Variants in MSH3 observed in about 807,000 individuals in gnomAD.
MSH3 encodes mutS homolog 3.
A neutral mutation model predicts 123.3 loss-of-function variants in MSH3; 106 were observed. The ratio of observed to expected loss-of-function variants is 0.86; its 90% CI spans 0.73 to 1.01. The LOEUF (loss-of-function observed/expected upper bound fraction) is 1.01, where lower values mean the gene tolerates loss of function less well. MSH3 is among the 50% of genes least tolerant of loss of function. The probability of loss-of-function intolerance (pLI) is 0.00; values close to 1 mark genes in which losing one functional copy is unlikely to be tolerated. For synonymous variants in MSH3, 515 were observed against 481.4 expected (o/e 1.07, Z -0.91); for missense variants, 1,459 against 1,347.6 (o/e 1.08, Z -1.29).
At chr5:80,680,135 C>G (rs1293232562) in intron 8 of MSH3, among the ~76,000 whole-genome samples, 1 of 151,756 alleles carries the variant, frequency 6.6e-6, no homozygotes, top group Admixed American at 6.6e-5. Flanking sequence ...TGGCAGACAC[C>G]TGTATTCCCA....
rs1580553624 is a variant in MSH3, at chr5:80,674,994, CT to C, written c.1040del (p.Leu347GlnfsTer8). 6.2e-7 allele frequency: 1 copy of C among 1,606,280 alleles called. No individual in the cohort carries two copies. Among genetic ancestry groups the C allele is most frequent in the Non-Finnish European group, 8.5e-7 (1 of 1,173,864 alleles). Reference protein sequence around the residue: ...STLIGEDVNPLIKLDDAVNVD... With the variant: ...STLIGEDVNPXIKLDDAVNVD... The stretch of plus-strand genomic sequence containing the variant: ...TTAATTATTATTAAATGTGAATCCC[CT>C]AATCAAGCTGGATGATGCTGTAAAT... On this transcript the variant is annotated frameshift_variant, in exon 7 of 24. Coordinates refer to ENST00000265081, the MANE Select transcript of MSH3 (RefSeq NM_002439.5). LOFTEE classifies it high-confidence loss of function.
At chr5:80,759,531 C>G (rs746664706) in intron 12 of MSH3, among the ~76,000 whole-genome samples, 7 of 152,170 alleles carry the variant, frequency 4.6e-5, no homozygotes, top group Non-Finnish European at 8.8e-5. Context: ...GAGAGTGACA[C>G]ATGATCTCAG....
chr5:80,815,153 C>A (rs1176588177), intron 20 of MSH3, among the ~76,000 whole-genome samples: 4 of 152,100 alleles, frequency 2.6e-5, no homozygotes, highest in Non-Finnish European at 5.9e-5. Flanking sequence ...CATTTTTCAT[C>A]TGAGAATGAA....
intron 20 of MSH3, among the ~76,000 whole-genome samples, chr5:80,821,118 TC>T (rs762768902): frequency 2.6e-5 from 4 of 152,198 alleles, no homozygotes; most frequent in Non-Finnish European, 4.4e-5. Context: ...ATATAGTAGT[TC>T]CTTGGTAATA....
At position 80,775,702 on chromosome 5, in the gene MSH3, A is replaced by G. The variant is rs200819607; in HGVS notation, c.2262A>G (p.Ile754Met). 2.5e-4 allele frequency: 386 copies of G among 1,541,862 alleles called. No homozygotes were observed. The highest frequency in any genetic ancestry group is 2.6e-4 in the Non-Finnish European group (291 of 1,114,976). The stretch of plus-strand genomic sequence containing the variant: ...ATTTGTATTTGTTTTAGTTTATGAT[A>G]GAAATAAAGAACTCTGCTGTATCTT... ...YVTVSGQEFM[I>M]EIKNSAVSCI... Residue 754 changes from isoleucine to methionine, a missense_variant, in exon 16 of 24, where the codon ATA (isoleucine) becomes ATG (methionine). Coordinates refer to ENST00000265081, the MANE Select transcript of MSH3 (RefSeq NM_002439.5).
intron 6 of MSH3, among the ~76,000 whole-genome samples, chr5:80,674,549 C>G (rs1749794244): frequency 1.3e-5 from 2 of 152,068 alleles, no homozygotes. Context: ...TCCATGGGGT[C>G]TGGTGTACTC....
chr5:80,801,161 G>A lies in MSH3; in HGVS notation c.2655+8317G>A, dbSNP rs76354010. Among the ~76,000 whole-genome samples the A allele has an allele frequency of 8.7e-3, 1,329 of 152,354 alleles. 7 individuals are homozygous for A. The highest frequency in any genetic ancestry group is 0.044 in the Middle Eastern group (13 of 294). On this transcript the variant is annotated intron_variant, in intron 19 of 23. Coordinates refer to ENST00000265081, the MANE Select transcript of MSH3 (RefSeq NM_002439.5). Reference sequence around the variant, plus strand: ...ACCTTTAGACACTTAGAAGTGCTCTGAGGATCTGGATGAGGGCTTTTAGCA... The same window carrying A: ...ACCTTTAGACACTTAGAAGTGCTCTAAGGATCTGGATGAGGGCTTTTAGCA...
chr5:80,698,653 A>G (rs983314885), intron 8 of MSH3, among the ~76,000 whole-genome samples: 3 of 152,086 alleles, frequency 2.0e-5, no homozygotes, highest in African/African-American at 7.2e-5. Context: ...TTTGGAGAGA[A>G]AGGGTGTATA....
chr5:80,709,327 T>C (rs890690905), intron 8 of MSH3, among the ~76,000 whole-genome samples: 1 of 151,936 alleles, frequency 6.6e-6, no homozygotes, highest in Non-Finnish European at 1.5e-5. Context: ...TAATCAATTC[T>C]AAGTTTTTAG....
intron 9 of MSH3, among the ~76,000 whole-genome samples, chr5:80,727,095 C>T (rs1031171569): frequency 4.6e-5 from 7 of 152,178 alleles, no homozygotes; most frequent in African/African-American, 1.7e-4. Flanking sequence ...ACAAAAGACA[C>T]GCCAGTTGAC....
chr5:80,822,301 T>G (rs1015290791), intron 20 of MSH3, among the ~76,000 whole-genome samples: 1 of 152,226 alleles, frequency 6.6e-6, no homozygotes, highest in Admixed American at 6.5e-5. Flanking sequence ...TTTTTCAAAT[T>G]ACTACTTCTC....
At chr5:80,785,672 C>G (rs1379314634) in intron 17 of MSH3, among the ~76,000 whole-genome samples, 1 of 152,094 alleles carries the variant, frequency 6.6e-6, no homozygotes, top group Non-Finnish European at 1.5e-5. Context: ...AATCATGCTG[C>G]TATAAAGACA....
chr5:80,722,048 A>G (rs1751092664), intron 8 of MSH3, among the ~76,000 whole-genome samples: 1 of 152,266 alleles, frequency 6.6e-6, no homozygotes, highest in Admixed American at 6.5e-5. Flanking sequence ...AAAAAAATAT[A>G]TAAACTATAG....
intron 6 of MSH3, among the ~76,000 whole-genome samples, chr5:80,674,321 C>T (rs1221487639): frequency 6.6e-6 from 1 of 152,152 alleles, no homozygotes; most frequent in Non-Finnish European, 1.5e-5. Flanking sequence ...CATACACAGA[C>T]ATACATGCAC....
intron 3 of MSH3, among the ~76,000 whole-genome samples, chr5:80,668,997 C>T (rs1677647): frequency 0.28 from 41,991 of 151,968 alleles, 5,979 homozygotes; most frequent in Middle Eastern, 0.34. Flanking sequence ...GCAGTGGCTG[C>T]TCCAGATGGG....
At position 80,654,695 on chromosome 5, in the gene MSH3, GCCCTGCCGCCGGGCTGCCATCCTT is replaced by G. The variant is rs750663558; in HGVS notation, c.-32_-9del. 6 of 1,569,670 alleles carry G rather than the reference GCCCTGCCGCCGGGCTGCCATCCTT, an allele frequency of 3.8e-6. No individual in the cohort carries two copies. In the South Asian group the frequency reaches 6.8e-5, roughly 18 times the overall value. Reference sequence around the variant, plus strand: ...GCCGCGGGCTCGCGCTCCTCGCCAGGCCCTGCCGCCGGGCTGCCATCCTTGCCCTGCCATGTCTCGCCGGAAGCC... The same window carrying G: ...GCCGCGGGCTCGCGCTCCTCGCCAGGGCCCTGCCATGTCTCGCCGGAAGCC... On this transcript the variant is annotated 5_prime_UTR_variant, in exon 1 of 24. Coordinates refer to ENST00000265081, the MANE Select transcript of MSH3 (RefSeq NM_002439.5).
intron 22 of MSH3, among the ~76,000 whole-genome samples, chr5:80,866,217 C>A (rs536521848): frequency 6.6e-6 from 1 of 152,192 alleles, no homozygotes; most frequent in Non-Finnish European, 1.5e-5. Context: ...TAGCTCACTG[C>A]AGACACAACC....
rs1363329605 is a variant in MSH3, at chr5:80,764,370, TTTC to T, written c.1896+2704_1896+2706del. 3.1e-4 allele frequency among the ~76,000 whole-genome samples: 47 copies of T among 150,182 alleles called. 1 individual carries two copies. Among genetic ancestry groups the T allele is most frequent in the Middle Eastern group, 3.2e-3 (1 of 316 alleles). ...AGCTGATTCTGGTATAAAATAGACA[TTTC>T]TTCTTCTTCTTTTTTTTTTTGAAAC... is the stretch of plus-strand genomic sequence containing the variant. On this transcript the variant is annotated intron_variant, in intron 13 of 23. Coordinates refer to ENST00000265081, the MANE Select transcript of MSH3 (RefSeq NM_002439.5).
At chr5:80,741,185 C>T (rs987853561) in intron 10 of MSH3, among the ~76,000 whole-genome samples, 5 of 151,982 alleles carry the variant, frequency 3.3e-5, no homozygotes, top group Non-Finnish European at 7.4e-5. Context: ...ATTCCTAGAG[C>T]AAAACCAAAA....
Sources: allele counts gnomAD v4.1 joint callset (sites outside exome capture counted in the v4.1 genomes callset), GRCh38; gene constraint gnomAD v4.1.1; transcripts MANE v1.5; gene names NCBI Gene and HGNC (gene_info 2026-07-23, HGNC 2026-07-21).